CTNNA2: variants seen among roughly 807,000 people sequenced by gnomAD.
CTNNA2 encodes the protein catenin alpha-2.
In CTNNA2, 42 loss-of-function variants were observed where a neutral mutation model predicts 101.0. The ratio of observed to expected loss-of-function variants is 0.42; its 90% confidence interval spans 0.32 to 0.54. The LOEUF (loss-of-function observed/expected upper bound fraction) is 0.54, where lower values mean the gene tolerates loss of function less well. Ranked by LOEUF, CTNNA2 falls within the 20% of genes least tolerant of loss-of-function variation. CTNNA2 has a pLI of 0.14. For synonymous variants in CTNNA2, 450 were observed against 456.4 expected, an observed-to-expected ratio of 0.99 and a Z score of 0.18; for missense variants, 871 against 1,223.1, an observed-to-expected ratio of 0.71 and a Z score of 4.29.
intron 2 of CTNNA2, among the ~76,000 whole-genome samples, chr2:79,244,488 C>T (rs138618403): frequency 2.0e-5 from 3 of 152,290 alleles, no homozygotes; most frequent in South Asian, 4.1e-4. Context: ...AACACAGGCA[C>T]TAAGTTTGTG....
chr2:79,443,255 C>G (rs974285140), intron 4 of CTNNA2, among the ~76,000 whole-genome samples: 1 of 152,050 alleles, frequency 6.6e-6, no homozygotes, highest in Non-Finnish European at 1.5e-5. Context: ...TAGCCCAGGC[C>G]CAAAAGCCTG....
chr2:79,875,276 G>A (rs1682928665), intron 6 of CTNNA2, among the ~76,000 whole-genome samples: 1 of 152,114 alleles, frequency 6.6e-6, no homozygotes, highest in South Asian at 2.1e-4. Context: ...CCGGGTCAGA[G>A]GACCTGTGAG....
At chr2:79,542,543 T>C (rs907568790) in intron 1 of CTNNA2, among the ~76,000 whole-genome samples, 3 of 152,186 alleles carry the variant, frequency 2.0e-5, no homozygotes, top group Non-Finnish European at 4.4e-5. Context: ...CTCAGCTTCA[T>C]TGCTCACTAA....
At chr2:80,262,785 T>C (rs1444738689) in intron 7 of CTNNA2, among the ~76,000 whole-genome samples, 1 of 152,138 alleles carries the variant, frequency 6.6e-6, no homozygotes, top group African/African-American at 2.4e-5. Context: ...CTAGTTCCTA[T>C]ATTATGCCTA....
chr2:79,972,250 A>G (rs1233253611), intron 7 of CTNNA2, among the ~76,000 whole-genome samples: 4 of 152,170 alleles, frequency 2.6e-5, no homozygotes, highest in Non-Finnish European at 5.9e-5. Context: ...ATTACCATTT[A>G]TGCAGCGCTA....
chr2:79,526,808 C>T (rs1672432471), intron 1 of CTNNA2, among the ~76,000 whole-genome samples: 1 of 152,036 alleles, frequency 6.6e-6, no homozygotes, highest in Admixed American at 6.6e-5. Flanking sequence ...CCGCTTTCTC[C>T]TCCCATATAC....
intron 4 of CTNNA2, among the ~76,000 whole-genome samples, chr2:79,471,682 C>CA (rs1671000688): frequency 6.6e-6 from 1 of 151,770 alleles, no homozygotes; most frequent in Admixed American, 6.6e-5. Context: ...ACTAAAAATA[C>CA]AAAAAATTAG....
intron 4 of CTNNA2, among the ~76,000 whole-genome samples, chr2:79,416,449 G>T (rs78055645): frequency 0.023 from 3,480 of 151,692 alleles, 152 homozygotes; most frequent in African/African-American, 0.078. Context: ...ACATGTTAAC[G>T]TCTCTGCAGC....
chr2:79,574,352 G>A (rs1675652294), intron 1 of CTNNA2: 1 of 152,064 alleles, frequency 6.6e-6, no homozygotes, highest in South Asian at 2.1e-4. Context: ...TAGTTTTTCA[G>A]TCCTCACCCC....
intron 2 of CTNNA2, among the ~76,000 whole-genome samples, chr2:79,698,785 A>G (rs182640467): frequency 1.4e-3 from 218 of 152,196 alleles, no homozygotes; most frequent in Non-Finnish European, 2.1e-3. Context: ...AATGTAGCCT[A>G]TTCCACACTT....
intron 3 of CTNNA2, among the ~76,000 whole-genome samples, chr2:79,323,594 A>T (rs1037869690): frequency 6.6e-6 from 1 of 152,174 alleles, no homozygotes; most frequent in Non-Finnish European, 1.5e-5. Flanking sequence ...TTTTTCTGGC[A>T]TGTTACCTTC....
chr2:79,608,179 A>G (rs1156343732), intron 1 of CTNNA2, among the ~76,000 whole-genome samples: 1 of 151,992 alleles, frequency 6.6e-6, no homozygotes, highest in Non-Finnish European at 1.5e-5. Context: ...GAATGGGAAA[A>G]TTCTTTCAAG....
intron 7 of CTNNA2, among the ~76,000 whole-genome samples, chr2:80,052,501 G>A (rs938226881): frequency 6.6e-6 from 1 of 152,230 alleles, no homozygotes; most frequent in Non-Finnish European, 1.5e-5. Flanking sequence ...TATCAATTTA[G>A]TAGATATGAG....
chr2:79,513,988 C>T (rs903334000), intron 1 of CTNNA2, among the ~76,000 whole-genome samples: 1 of 152,108 alleles, frequency 6.6e-6, no homozygotes, highest in Admixed American at 6.5e-5. Context: ...TTCTTTTCCC[C>T]TAGGCCTCTT....
rs58520718 is a variant in CTNNA2, at chr2:80,162,715, T to A, written c.1057-230496T>A. On this transcript the variant is annotated intron_variant, in intron 7 of 18. Coordinates refer to ENST00000402739, the MANE Select transcript of CTNNA2 (RefSeq NM_001282597.3). ...CTTGAAGACTGATTAAAACTATGAC[T>A]GTGTGATTGAACTGATGGTGAAAAT... 1,156 of 1,612,056 alleles carry A rather than the reference T, an allele frequency of 7.2e-4. 9 individuals are homozygous for A. In the African/African-American group the frequency reaches 0.013, roughly 19 times the overall value.
At chr2:79,419,688 G>A (rs779940907) in intron 4 of CTNNA2, among the ~76,000 whole-genome samples, 132 of 152,158 alleles carry the variant, frequency 8.7e-4, no homozygotes, top group Non-Finnish European at 1.7e-3. Context: ...GAAACCCTTT[G>A]CCTCTTTAAC....
chr2:79,483,344 T>A (rs577324175), intron 4 of CTNNA2, among the ~76,000 whole-genome samples: 14 of 152,238 alleles, frequency 9.2e-5, no homozygotes, highest in African/African-American at 3.4e-4. Flanking sequence ...CTTAAAACTA[T>A]GCAGACTTAC....
intron 3 of CTNNA2, among the ~76,000 whole-genome samples, chr2:79,329,643 C>T (rs1558629417): frequency 6.6e-6 from 1 of 152,122 alleles, no homozygotes; most frequent in African/African-American, 2.4e-5. Flanking sequence ...CTGCTATCCT[C>T]ACGAATTCCA....
chr2:79,626,784 G>A (rs1015422489), intron 1 of CTNNA2, among the ~76,000 whole-genome samples: 4 of 151,848 alleles, frequency 2.6e-5, no homozygotes, highest in Admixed American at 1.3e-4. Context: ...GACAACATGC[G>A]TTATATTTTA....
Sources: allele counts gnomAD v4.1 joint callset (sites outside exome capture counted in the v4.1 genomes callset), GRCh38; gene constraint gnomAD v4.1.1; transcripts MANE v1.5; gene names NCBI Gene and HGNC (gene_info 2026-07-23, HGNC 2026-07-21).